The following STPG2 variants were observed in gnomAD, a reference collection of about 807,000 sequenced individuals.
The protein encoded by STPG2 is sperm tail PG-rich repeat containing 2, also known as sperm-tail PG-rich repeat-containing protein 2.
A neutral mutation model predicts 54.2 loss-of-function variants in STPG2; 56 were observed. The ratio of observed to expected loss-of-function variants is 1.03; its 90% CI spans 0.83 to 1.29. The LOEUF (loss-of-function observed/expected upper bound fraction) is 1.29, where lower values mean the gene tolerates loss of function less well. STPG2 is among the 50% of genes most tolerant of loss of function. STPG2 has a pLI of 0.00. For synonymous variants in STPG2, 200 were observed against 181.8 expected, an observed-to-expected ratio of 1.10 and a Z score of -0.81; for missense variants, 596 against 544.9, an observed-to-expected ratio of 1.09 and a Z score of -0.93.
At chr4:98,031,538 C>T (rs541755175) in intron 5 of STPG2, among the ~76,000 whole-genome samples, 61 of 151,988 alleles carry the variant, frequency 4.0e-4, no homozygotes, top group Admixed American at 1.4e-3. Context: ...ATTAGCTGGG[C>T]GTGGTGGCCT....
At chr4:97,810,142 T>G (rs1727690183) in intron 9 of STPG2, among the ~76,000 whole-genome samples, 1 of 152,094 alleles carries the variant, frequency 6.6e-6, no homozygotes, top group South Asian at 2.1e-4. Context: ...GCTGCCCATA[T>G]TTACATATGG....
intron 10 of STPG2, among the ~76,000 whole-genome samples, chr4:97,673,716 G>A (rs1722762483): frequency 6.6e-6 from 1 of 151,366 alleles, no homozygotes; most frequent in Non-Finnish European, 1.5e-5. Flanking sequence ...AATTAAATAT[G>A]AAAAGAATAA....
intron 8 of STPG2, among the ~76,000 whole-genome samples, chr4:97,869,195 T>G: frequency 6.6e-6 from 1 of 151,900 alleles, no homozygotes; most frequent in Non-Finnish European, 1.5e-5. Context: ...AATATTATTT[T>G]CAAGAATTTA....
chr4:98,120,263 T>C (rs1739641248), intron 3 of STPG2, among the ~76,000 whole-genome samples: 1 of 152,096 alleles, frequency 6.6e-6, no homozygotes, highest in Non-Finnish European at 1.5e-5. Flanking sequence ...GTATTTTTAG[T>C]AGAGACGGGG....
chr4:97,453,371 G>A (rs765771830), intron 4 of STPG2, among the ~76,000 whole-genome samples: 5 of 152,164 alleles, frequency 3.3e-5, no homozygotes, highest in African/African-American at 4.8e-5. Context: ...GCTGCTCCAC[G>A]CCTGACTCTT....
intron 10 of STPG2, among the ~76,000 whole-genome samples, chr4:97,655,519 AT>A (rs1258596470): frequency 6.6e-6 from 1 of 151,990 alleles, no homozygotes; most frequent in African/African-American, 2.4e-5. Flanking sequence ...ATTAATGTCA[AT>A]TTTTTTCATT....
At chr4:97,763,349 G>A (rs1359058591) in intron 9 of STPG2, among the ~76,000 whole-genome samples, 1 of 152,086 alleles carries the variant, frequency 6.6e-6, no homozygotes, top group East Asian at 1.9e-4. Context: ...AGAGACTAAT[G>A]ATGTTACACA....
At chr4:98,018,033 T>A (rs1736026125) in intron 5 of STPG2, among the ~76,000 whole-genome samples, 1 of 152,154 alleles carries the variant, frequency 6.6e-6, no homozygotes, top group South Asian at 2.1e-4. Context: ...TTTATTATTA[T>A]TATACTTTAA....
intron 9 of STPG2, among the ~76,000 whole-genome samples, chr4:97,759,040 C>G (rs968280990): frequency 6.6e-6 from 1 of 151,982 alleles, no homozygotes; most frequent in African/African-American, 2.4e-5. Context: ...ATGCACTGAA[C>G]AAATAATGAG....
At chr4:97,957,137 G>A (rs1019974910) in intron 7 of STPG2, among the ~76,000 whole-genome samples, 7 of 151,544 alleles carry the variant, frequency 4.6e-5, no homozygotes, top group Non-Finnish European at 7.4e-5. Context: ...AAATATATAT[G>A]AAATATACAT....
intron 3 of STPG2, 65 bp from the exon 4 acceptor site, chr4:98,109,370 T>A (rs1391164999): frequency 3.4e-5 from 43 of 1,260,016 alleles, no homozygotes; most frequent in Non-Finnish European, 4.5e-5. Context: ...TGAAACAATG[T>A]TTGGCTTTAC....
At chr4:97,841,426 T>C (rs1197512570) in intron 8 of STPG2, among the ~76,000 whole-genome samples, 6 of 151,690 alleles carry the variant, frequency 4.0e-5, no homozygotes, top group African/African-American at 9.7e-5. Context: ...ACTGCAGTCA[T>C]AGTAACATTT....
chr4:97,782,195 C>T (rs184049777), intron 9 of STPG2, among the ~76,000 whole-genome samples: 294 of 152,260 alleles, frequency 1.9e-3, no homozygotes, highest in African/African-American at 7.0e-3. Context: ...ATCATCTCAG[C>T]CCAAAATCTC....
chr4:97,497,199 G>A (rs1022202026), intron 4 of STPG2, among the ~76,000 whole-genome samples: 2 of 151,558 alleles, frequency 1.3e-5, no homozygotes, highest in Non-Finnish European at 2.9e-5. Flanking sequence ...ATACACTAAC[G>A]ACTACTTGCC....
At chr4:97,909,990 T>C (rs758978746) in intron 8 of STPG2, among the ~76,000 whole-genome samples, 3 of 152,182 alleles carry the variant, frequency 2.0e-5, no homozygotes, top group Admixed American at 6.5e-5. Flanking sequence ...TCACTTTCCA[T>C]AGATTATATG....
chr4:97,503,529 C>T (rs973086432), intron 4 of STPG2, among the ~76,000 whole-genome samples: 3 of 151,268 alleles, frequency 2.0e-5, no homozygotes, highest in Non-Finnish European at 2.9e-5. Flanking sequence ...CACAGAGTCT[C>T]ACACTGTGAG....
At chr4:97,660,707 T>C (rs577330466) in intron 10 of STPG2, among the ~76,000 whole-genome samples, 47 of 152,320 alleles carry the variant, frequency 3.1e-4, no homozygotes, top group African/African-American at 1.1e-3. Flanking sequence ...AAGTGGTTTA[T>C]ATGTATTATC....
chr4:97,962,371 T>G (rs528385957), intron 7 of STPG2, among the ~76,000 whole-genome samples: 1 of 152,108 alleles, frequency 6.6e-6, no homozygotes, highest in Non-Finnish European at 1.5e-5. Context: ...AAAAAAAAAT[T>G]AAGTGGCAAA....
chr4:97,745,361 T>TAAA (rs1560511922), intron 9 of STPG2, among the ~76,000 whole-genome samples: 1 of 151,136 alleles, frequency 6.6e-6, no homozygotes, highest in East Asian at 1.9e-4. Flanking sequence ...TTTTATTCCA[T>TAAA]TTTAAATCAA....
Sources: gnomAD v4.1 joint callset for allele counts (sites outside exome capture counted in the v4.1 genomes callset) on GRCh38, gnomAD v4.1.1 for gene constraint, MANE v1.5 for transcripts, NCBI Gene and HGNC (gene_info 2026-07-23, HGNC 2026-07-21) for gene names.